DDX3X: variants seen among roughly 807,000 people sequenced by gnomAD.
DDX3X encodes the protein ATP-dependent RNA helicase DDX3X.
DDX3X carries 4 observed loss-of-function variants against 52.7 expected under a neutral mutation model. That is an observed-to-expected ratio of 0.08 (90% CI 0.04 to 0.17). The LOEUF is 0.17. Ranked by LOEUF, DDX3X falls within the 10% of genes least tolerant of loss-of-function variation. The pLI is 1.00. For missense variants in DDX3X, 222 were observed against 548.6 expected (o/e 0.40, Z 5.95); for synonymous variants, 192 against 178.1 (o/e 1.08, Z -0.62).
chrX:41,354,942 C>T (rs1043262525), downstream of DDX3X, among the ~76,000 whole-genome samples: 1 of 109,477 alleles, frequency 9.1e-6, no homozygotes, highest in Non-Finnish European at 1.9e-5. Flanking sequence ...AAGCAATTCT[C>T]CCCAAGTAGC....
chrX:41,343,628 A>G, intron 7 of DDX3X, 109 bp from the exon 8 acceptor site: 1 of 748,757 alleles, frequency 1.3e-6, no homozygotes, highest in Admixed American at 3.5e-5. Flanking sequence ...AAACTTAAGC[A>G]TAAACTAAAA....
intron 5 of DDX3X, among the ~76,000 whole-genome samples, chrX:41,360,072 T>C (rs2064023517): frequency 9.1e-6 from 1 of 109,925 alleles, no homozygotes; most frequent in Admixed American, 9.7e-5. Context: ...GTGCCTTTTC[T>C]TCCCTTAGAA....
At chrX:41,338,015 C>G (rs1293046461) in intron 2 of DDX3X, 1 of 111,489 alleles carries the variant, frequency 9.0e-6, no homozygotes, top group Non-Finnish European at 1.9e-5. Flanking sequence ...TCCTGAAGAA[C>G]AGAAGACTAT....
intron 5 of DDX3X, among the ~76,000 whole-genome samples, chrX:41,361,324 A>C (rs189409289): frequency 5.5e-5 from 6 of 109,109 alleles, no homozygotes; most frequent in African/African-American, 2.0e-4. Context: ...CATCCTGGCC[A>C]ACATGGTGAA....
chrX:41,343,110 C>T lies in DDX3X; in HGVS notation c.544-106C>T, dbSNP rs765195859. On this transcript the variant is annotated intron_variant, in intron 6 of 16. Transcript: ENST00000644876. ...GTATAATGTGATAATTTTACTTAAA[C>T]TATAAACTGAGTTACCAATCAGCTG... The T allele has an allele frequency of 5.5e-5, 52 of 948,924 alleles. No individual in the cohort carries two copies. In the East Asian group the frequency reaches 1.6e-3, roughly 29 times the overall value. The allele number at this position is 948,924 out of a possible 1,213,427, so 78.2% of individuals were successfully genotyped here. A position where few individuals can be genotyped will look rare whatever the true frequency, so the allele number is the denominator to read the frequency against.
rs1569238533 is a variant in DDX3X at position 41,344,409 on chromosome X, A to G, written c.1025+10A>G. On this transcript the variant is annotated intron_variant, in intron 10 of 16. Transcript: ENST00000644876. ...GATTAGACTTTTGCAAGTATGTTTT[A>G]TTTTGTTTTTGTTTTTTTGTTTTGT... The G allele has an allele frequency of 5.8e-6, 7 of 1,208,728 alleles. No individual in the cohort carries two copies. In the South Asian group the frequency reaches 8.8e-5, roughly 15 times the overall value.
rs35577255 is a variant in DDX3X, at chrX:41,356,929, C to CT, written c.655-7323dup. Among the ~76,000 whole-genome samples the CT allele has an allele frequency of 6.1e-3, 339 of 55,838 alleles. 2 individuals are homozygous for CT. The highest frequency in any genetic ancestry group is 8.0e-3 in the Non-Finnish European group (268 of 33,411). 48.5% of individuals were successfully genotyped at this position (55,838 alleles called of 115,157 possible). On this transcript the variant is annotated intron_variant, in intron 5 of 5. Coordinates refer to the DDX3X transcript ENST00000616050. ...ATTCCTGCAGAATATCACACTAATT[C>CT]TTTTTTTTTTTTTTTTTTTTTTGAG...
intron 8 of DDX3X, 100 bp downstream of exon 8, chrX:41,343,922 G>C (rs2063887225): frequency 3.0e-6 from 3 of 997,198 alleles, no homozygotes; most frequent in Non-Finnish European, 2.8e-6. Flanking sequence ...ATGAAAACCA[G>C]TTTTCAAGTG....
chrX:41,341,686 T>G, intron 4 of DDX3X, 70 bp downstream of exon 4: 1 of 1,008,423 alleles, frequency 9.9e-7, no homozygotes, highest in Non-Finnish European at 1.4e-6. Context: ...CCTGACCACC[T>G]GTTTGGATGT....
intron 2 of DDX3X, chrX:41,337,710 A>G (rs1388335198): frequency 3.8e-6 from 1 of 260,060 alleles, no homozygotes; most frequent in Non-Finnish European, 6.5e-6. Context: ...CAATGGTGTG[A>G]TCTCGGCTCA....
At chrX:41,357,416 T>G (rs1602144106) in intron 5 of DDX3X, among the ~76,000 whole-genome samples, 1 of 111,626 alleles carries the variant, frequency 9.0e-6, no homozygotes, top group African/African-American at 3.3e-5. Flanking sequence ...GTAATGCTGC[T>G]AAACCTATAG....
At chrX:41,337,030 C>T (rs779913703) in intron 1 of DDX3X, among the ~76,000 whole-genome samples, 28 of 112,056 alleles carry the variant, frequency 2.5e-4, no homozygotes, top group Non-Finnish European at 5.1e-4. Flanking sequence ...AATCCTTTAT[C>T]TATTTGACAT....
intron 4 of DDX3X, chrX:41,341,852 A>G (rs1427378576): frequency 9.5e-6 from 3 of 316,911 alleles, no homozygotes; most frequent in Non-Finnish European, 1.6e-5. Context: ...TGTTCTACTT[A>G]AAAGAGTAAG....
downstream of DDX3X, chrX:41,351,014 TA>T (rs2063981333): frequency 8.9e-6 from 1 of 112,111 alleles, no homozygotes. Context: ...CATAAGTTTT[TA>T]GGGCAGAATT....
Position 41,345,253 on chromosome X carries a change from C to G in DDX3X, c.1099C>G (p.Gln367Glu), listed in dbSNP as rs2063908324. 2 of 1,210,307 alleles carry G rather than the reference C, an allele frequency of 1.7e-6. No individual in the cohort carries two copies. The highest frequency in any genetic ancestry group is 2.2e-6 in the Non-Finnish European group (2 of 894,331). Residue 367 changes from glutamine to glutamate, a missense_variant, in exon 11 of 17, where the codon CAA becomes GAA. Physicochemically the swap from Gln to Glu is conservative, Grantham distance 29 (BLOSUM62 2). This residue lies in a region of DDX3X where 73 missense variants were observed against 301.4 expected (regional missense o/e 0.24). Transcript: ENST00000644876. The stretch of plus-strand genomic sequence containing the variant: ...GCCTCAGATTCGTAGAATAGTCGAA[C>G]AAGATACTATGCCTCCAAAGGGTGT... ...FEPQIRRIVE[Q>E]DTMPPKGVRH...
intron 4 of DDX3X, 146 bp from the exon 5 acceptor site, chrX:41,342,349 C>T (rs1242833328): frequency 1.7e-6 from 1 of 583,714 alleles, no homozygotes. Context: ...GTTAGAGAGC[C>T]TTATTTGTCA....
At chrX:41,347,545 C>G in intron 16 of DDX3X, 94 bp downstream of exon 16, 1 of 1,147,590 alleles carries the variant, frequency 8.7e-7, no homozygotes, top group Admixed American at 2.5e-5. Context: ...AAGTTCAGCA[C>G]TATAGAAACT....
intron 5 of DDX3X, among the ~76,000 whole-genome samples, chrX:41,358,292 G>A (rs1397973127): frequency 9.2e-6 from 1 of 108,766 alleles, no homozygotes; most frequent in African/African-American, 3.3e-5. Context: ...TGGTCAGGCT[G>A]GTCTCGAACC....
At position 41,334,199 on chromosome X, in the gene DDX3X, G is replaced by C; in HGVS notation, c.-54G>C. On this transcript the variant is annotated 5_prime_UTR_variant, in exon 1 of 17. Coordinates refer to ENST00000644876, the MANE Select transcript of DDX3X (RefSeq NM_001356.5). ...CTCCCGTGAGAGGGCCTTCGCGGTG[G>C]AACAAACACTCGCTTAGCAGCGGAA... 8.6e-7 allele frequency: 1 copy of C among 1,162,907 alleles called. No homozygotes were observed. Among genetic ancestry groups the C allele is most frequent in the South Asian group, 1.9e-5 (1 of 54,053 alleles).
Sources: gnomAD v4.1 joint callset for allele counts (sites outside exome capture counted in the v4.1 genomes callset) on GRCh38, gnomAD v4.1.1 for gene constraint, gnomAD v4.1.1 regional missense constraint, MANE v1.5 for transcripts, NCBI Gene and HGNC (gene_info 2026-07-23, HGNC 2026-07-21) for gene names.